The following HFM1 variants were observed in gnomAD, a reference collection of about 807,000 sequenced individuals.
HFM1 encodes helicase for meiosis 1.
In HFM1, 169 loss-of-function variants were observed where a neutral mutation model predicts 192.1. That is an observed-to-expected ratio of 0.88 (90% CI 0.78 to 1.00). HFM1 has a LOEUF of 1.00. HFM1 is among the 50% of genes least tolerant of loss of function. The pLI is 0.00. For synonymous variants in HFM1, 525 were observed against 537.8 expected, an observed-to-expected ratio of 0.98 and a Z score of 0.33; for missense variants, 1,661 against 1,668.0, an observed-to-expected ratio of 1.00 and a Z score of 0.07.
intron 13 of HFM1, among the ~76,000 whole-genome samples, chr1:91,372,821 A>C (rs1198057194): frequency 6.6e-6 from 1 of 152,232 alleles, no homozygotes; most frequent in Non-Finnish European, 1.5e-5. Context: ...TATTCTTATT[A>C]GCAATAATTT....
intron 30 of HFM1, among the ~76,000 whole-genome samples, chr1:91,286,111 A>G (rs1350610577): frequency 6.6e-6 from 1 of 152,198 alleles, no homozygotes; most frequent in Non-Finnish European, 1.5e-5. Context: ...AATTATATAT[A>G]TAGAGTTCAG....
Position 91,313,994 on chromosome 1 carries a change from A to C in HFM1, c.3207T>G (p.Ser1069=). 10 of 1,608,362 alleles carry C rather than the reference A, an allele frequency of 6.2e-6. No individual in the cohort carries two copies. Among genetic ancestry groups the C allele is most frequent in the Non-Finnish European group, 7.7e-6 (9 of 1,176,058 alleles). Reference sequence around the variant, plus strand: ...TTATTAGATTTATGCTAAGATCTTCAGATTTAAGAGCTCTTTTCACAGCAA... The same window carrying C: ...TTATTAGATTTATGCTAAGATCTTCCGATTTAAGAGCTCTTTTCACAGCAA... ...KKIAVKRALK[S]EDLSINLISS... Residue 1069 remains serine, a synonymous_variant, in exon 29 of 39, where the codon TCT becomes TCG. Coordinates refer to ENST00000370425, the MANE Select transcript of HFM1 (RefSeq NM_001017975.6).
intron 18 of HFM1, among the ~76,000 whole-genome samples, chr1:91,349,161 T>C (rs1656586663): frequency 6.6e-6 from 1 of 151,950 alleles, no homozygotes; most frequent in South Asian, 2.1e-4. Flanking sequence ...TGGTGGTGCG[T>C]GCCTGTAGTC....
chr1:91,394,081 T>A lies in HFM1; in HGVS notation c.494+12A>T, dbSNP rs1557525811. On this transcript the variant is annotated intron_variant, in intron 4 of 38. Coordinates refer to ENST00000370425, the MANE Select transcript of HFM1 (RefSeq NM_001017975.6). Reference sequence around the variant, plus strand: ...TTCACAGAATATTATTTAGTTTAATTATAATAATTACCTTTTCCGGAATAC... The same window carrying A: ...TTCACAGAATATTATTTAGTTTAATAATAATAATTACCTTTTCCGGAATAC... 7.4e-7 allele frequency: 1 copy of A among 1,355,162 alleles called. No homozygotes were observed. Among genetic ancestry groups the A allele is most frequent in the East Asian group, 2.3e-5 (1 of 42,750 alleles). The allele number at this position is 1,355,162 out of a possible 1,614,324, so 83.9% of individuals were successfully genotyped here.
intron 23 of HFM1, 53 bp from the exon 24 acceptor site, chr1:91,319,443 A>T (rs1651762983): frequency 1.8e-6 from 2 of 1,090,586 alleles, no homozygotes; most frequent in Admixed American, 1.7e-5. Context: ...TCTATCTCCC[A>T]GTATTTGATA....
chr1:91,311,690 G>T (rs963418969), intron 30 of HFM1, among the ~76,000 whole-genome samples: 27 of 151,980 alleles, frequency 1.8e-4, no homozygotes, highest in African/African-American at 6.5e-4. Flanking sequence ...AAACCCATTT[G>T]CTGGGGAGAA....
At chr1:91,328,402 A>G (rs1196209722) in intron 20 of HFM1, 2 of 1,594,302 alleles carry the variant, frequency 1.3e-6, no homozygotes, top group African/African-American at 2.7e-5. Flanking sequence ...AGGCCTGGCC[A>G]AACTAATTGC....
intron 29 of HFM1, among the ~76,000 whole-genome samples, 193 bp downstream of exon 29, chr1:91,313,764 T>C: frequency 6.6e-6 from 1 of 152,082 alleles, no homozygotes; most frequent in South Asian, 2.1e-4. Flanking sequence ...CTTTTAATTA[T>C]GTCATCTGGT....
At chr1:91,338,384 C>T (rs1204374837) in intron 20 of HFM1, among the ~76,000 whole-genome samples, 1 of 152,124 alleles carries the variant, frequency 6.6e-6, no homozygotes. Context: ...TGTGATGGGG[C>T]CAGTCTTATC....
At position 91,350,877 on chromosome 1, in the gene HFM1, G is replaced by GA. The variant is rs1017914903; in HGVS notation, c.2073-7dup. ...CAATAAGATGTCTGTGCAAACTAAT[G>GA]AAAAAAAACTTTGCATTATGAATAT... On this transcript the variant is annotated splice_polypyrimidine_tract_variant and splice_region_variant and intron_variant, in intron 17 of 38. Transcript: ENST00000370425. 121 of 1,550,634 alleles carry GA rather than the reference G, an allele frequency of 7.8e-5. No individual in the cohort carries two copies. Among genetic ancestry groups the GA allele is most frequent in the Non-Finnish European group, 9.1e-5 (104 of 1,142,074 alleles).
At chr1:91,357,014 T>C (rs765006468) in intron 13 of HFM1, among the ~76,000 whole-genome samples, 1 of 152,114 alleles carries the variant, frequency 6.6e-6, no homozygotes, top group African/African-American at 2.4e-5. Flanking sequence ...ACAACTGAAT[T>C]CTACCAAACA....
In HFM1 at chr1:91,353,096, TTCTA is replaced by T. The variant is rs1657175806; in HGVS notation, c.1782_1785del (p.Asp594GlufsTer3). The T allele has an allele frequency of 1.2e-6, 2 of 1,611,274 alleles. No individual in the cohort carries two copies. Among genetic ancestry groups the T allele is most frequent in the Non-Finnish European group, 1.7e-6 (2 of 1,177,992 alleles). On this transcript the variant is annotated frameshift_variant, in exon 15 of 39. Coordinates refer to ENST00000370425, the MANE Select transcript of HFM1 (RefSeq NM_001017975.6). LOFTEE classifies it high-confidence loss of function. ...ACAGTAAAAGCTCCCTCAACTACTTTTCTATCTGACAGCTCCATACCAGCATGAT... is the reference window on the plus strand; with the variant it reads ...ACAGTAAAAGCTCCCTCAACTACTTTTCTGACAGCTCCATACCAGCATGAT...
In HFM1 at chr1:91,353,101, T is replaced by C. The variant is rs750556786; in HGVS notation, c.1781A>G (p.Asp594Gly). The change falls in exon 15 of 39, where the codon GAT (aspartate) becomes GGT (glycine). Residue 594 changes from aspartate (D) to glycine (G), a missense_variant. Physicochemically the swap from Asp to Gly is moderately conservative, Grantham distance 94 (BLOSUM62 -1). Coordinates refer to ENST00000370425, the MANE Select transcript of HFM1 (RefSeq NM_001017975.6). The part of the protein sequence containing the change: ...AYHHAGMELS[D>G]RKVVEGAFTV... ...AAAAGCTCCCTCAACTACTTTTCTA[T>C]CTGACAGCTCCATACCAGCATGATG... 1 of 1,611,370 alleles carries C rather than the reference T, an allele frequency of 6.2e-7. No homozygotes were observed. Among genetic ancestry groups the C allele is most frequent in the Non-Finnish European group, 8.5e-7 (1 of 1,178,060 alleles).
At position 91,353,124 on chromosome 1, in the gene HFM1, A is replaced by C; in HGVS notation, c.1758T>G (p.His586Gln). Residue 586 changes from histidine (H) to glutamine (Q), a missense_variant, in exon 15 of 39, where the codon CAT (histidine) becomes CAG (glutamine). By Grantham distance (24) the His-to-Gln change is conservative (BLOSUM62 0). Coordinates refer to ENST00000370425, the MANE Select transcript of HFM1 (RefSeq NM_001017975.6). ...RDILKDGAAY[H>Q]HAGMELSDRK... ...TATCTGACAGCTCCATACCAGCATG[A>C]TGATAAGCAGCACCATCTTTTAAGA... 6.2e-7 allele frequency: 1 copy of C among 1,610,834 alleles called. No individual in the cohort carries two copies. Among genetic ancestry groups the C allele is most frequent in the East Asian group, 2.2e-5 (1 of 44,714 alleles).
intron 30 of HFM1, among the ~76,000 whole-genome samples, chr1:91,292,790 T>C (rs1374830829): frequency 6.6e-6 from 1 of 152,142 alleles, no homozygotes; most frequent in Non-Finnish European, 1.5e-5. Flanking sequence ...TCACACTACC[T>C]GACTTCAAAC....
chr1:91,401,482 CT>C (rs758568461), intron 1 of HFM1, among the ~76,000 whole-genome samples: 1 of 152,192 alleles, frequency 6.6e-6, no homozygotes, highest in Non-Finnish European at 1.5e-5. Context: ...TCTTCTTGGG[CT>C]CTTAATACTT....
chr1:91,327,400 C>A (rs1266489438), intron 20 of HFM1, among the ~76,000 whole-genome samples: 1 of 152,138 alleles, frequency 6.6e-6, no homozygotes, highest in East Asian at 1.9e-4. Flanking sequence ...TGCCTGTGAT[C>A]CCAGCTACTT....
rs1366086858 is a variant in HFM1, at chr1:91,353,243, T to G, written c.1729+13A>C. 1 of 1,581,842 alleles carries G rather than the reference T, an allele frequency of 6.3e-7. No individual in the cohort carries two copies. Among genetic ancestry groups the G allele is most frequent in the African/African-American group, 1.4e-5 (1 of 73,992 alleles). ...ATGTGAAAATGCTATTCAAAAATTA[T>G]CTCTAAACCTACCTCTCAGTTTTGA... On this transcript the variant is annotated intron_variant, in intron 14 of 38. Transcript: ENST00000370425.
intron 13 of HFM1, 151 bp downstream of exon 13, chr1:91,375,207 T>C (rs1416868083): frequency 3.4e-6 from 2 of 591,096 alleles, no homozygotes; most frequent in Non-Finnish European, 6.1e-6. Context: ...ATTCACTATC[T>C]CACTTAATCC....
Sources: allele counts gnomAD v4.1 joint callset (sites outside exome capture counted in the v4.1 genomes callset), GRCh38; gene constraint gnomAD v4.1.1; transcripts MANE v1.5; gene names NCBI Gene and HGNC (gene_info 2026-07-23, HGNC 2026-07-21).